Variants in B4GAT1 observed in about 807,000 individuals in gnomAD.
The protein encoded by B4GAT1 is beta-1,4-glucuronyltransferase 1.
A neutral mutation model predicts 35.0 loss-of-function variants in B4GAT1; 18 were observed. The observed-to-expected ratio is 0.51, with a 90% CI of 0.36 to 0.76. The LOEUF (loss-of-function observed/expected upper bound fraction) is 0.76, where lower values mean the gene tolerates loss of function less well. B4GAT1 is among the 30% of genes least tolerant of loss of function. B4GAT1 has a pLI of 0.01. For synonymous variants in B4GAT1, 217 were observed against 251.6 expected (o/e 0.86, Z 1.30); for missense variants, 458 against 555.0 (o/e 0.83, Z 1.76).
Position 66,347,111 on chromosome 11 carries a change from G to A in B4GAT1, c.435C>T (p.His145=), listed in dbSNP as rs1226244655. Residue 145 remains histidine, a synonymous_variant, in exon 1 of 2, where the codon CAC becomes CAT. Transcript: ENST00000311181. The surrounding 1 kb of genome is among the most constrained non-coding windows in gnomAD (Gnocchi z 6.3). ...CGACCCTGGCGCGCATGTCGGGGCA[G>A]TGGCTGCTCAGCGCGTAGGCCAGCA... is the stretch of plus-strand genomic sequence containing the variant. ...ATVLAYALSS[H]CPDMRARVAM... 1.3e-6 allele frequency: 2 copies of A among 1,586,160 alleles called. No homozygotes were observed. The highest frequency in any genetic ancestry group is 2.3e-5 in the South Asian group (2 of 87,834).
Position 66,346,466 on chromosome 11 carries a change from C to T in B4GAT1, c.1056+24G>A. 1 of 1,583,122 alleles carries T rather than the reference C, an allele frequency of 6.3e-7. No homozygotes were observed. Among genetic ancestry groups the T allele is most frequent in the Non-Finnish European group, 8.6e-7 (1 of 1,161,214 alleles). On this transcript the variant is annotated intron_variant, in intron 1 of 1. Transcript: ENST00000311181. The surrounding 1 kb of genome is among the most constrained non-coding windows in gnomAD (Gnocchi z 6.1). ...CCCACCACCCCTCCTGCCCCATTAC[C>T]CCTGCCCTCTCCCTTATGAGCACCT... is the stretch of plus-strand genomic sequence containing the variant.
chr11:66,346,649 G>C lies in B4GAT1; in HGVS notation c.897C>G (p.Thr299=), dbSNP rs1356572423. ...YGLCTPCQAP[T]NYSRWVNLPE... is the part of the protein sequence containing the mutation. ...GCAGGTTGACCCAGCGGGAATAGTT[G>C]GTGGGTGCCTGGCAGGGGGTGCACA... is the stretch of plus-strand genomic sequence containing the variant. The change falls in exon 1 of 2, where the codon ACC becomes ACG. Residue 299 remains threonine, a synonymous_variant. Coordinates refer to ENST00000311181, the MANE Select transcript of B4GAT1 (RefSeq NM_006876.3). This position sits in a 1 kb window ranked among gnomAD's most constrained non-coding sequence, Gnocchi z 6.1. 1.2e-6 allele frequency: 2 copies of C among 1,613,738 alleles called. No homozygotes were observed. The highest frequency in any genetic ancestry group is 2.2e-5 in the East Asian group (1 of 44,892).
At position 66,346,344 on chromosome 11, in the gene B4GAT1, C is replaced by A; in HGVS notation, c.1057-104G>T. ...GCGTCCTCACCCCTCTGGAAGTATC[C>A]TGGATCTTCCACACCATCCACCCAC... On this transcript the variant is annotated intron_variant, in intron 1 of 1. Transcript: ENST00000311181. The surrounding 1 kb of genome is among the most constrained non-coding windows in gnomAD (Gnocchi z 6.1). 6.5e-7 allele frequency: 1 copy of A among 1,543,358 alleles called. No homozygotes were observed. Among genetic ancestry groups the A allele is most frequent in the Admixed American group, 1.9e-5 (1 of 53,600 alleles).
At position 66,346,555 on chromosome 11, in the gene B4GAT1, C is replaced by T. The variant is rs764341255; in HGVS notation, c.991G>A (p.Ala331Thr). ...WQDPWEPFYV[A>T]GGKVPTFDER... ...TCGAAGGTGGGCACCTTGCCTCCTG[C>T]CACGTAGAATGGCTCCCAGGGGTCC... Residue 331 changes from alanine (A) to threonine (T), a missense_variant, in exon 1 of 2, where the codon GCA becomes ACA. Ala to Thr is a moderately conservative substitution (Grantham distance 58). Transcript: ENST00000311181. The surrounding 1 kb of genome is among the most constrained non-coding windows in gnomAD (Gnocchi z 6.1). The T allele has an allele frequency of 1.2e-6, 2 of 1,613,628 alleles. No individual in the cohort carries two copies. The highest frequency in any genetic ancestry group is 1.7e-6 in the Non-Finnish European group (2 of 1,179,740).
chr11:66,346,987 C>T lies in B4GAT1; in HGVS notation c.559G>A (p.Asp187Asn). The change falls in exon 1 of 2, where the codon GAC becomes AAC. Residue 187 changes from aspartate to asparagine, a missense_variant. Transcript: ENST00000311181. The surrounding 1 kb of genome is among the most constrained non-coding windows in gnomAD (Gnocchi z 6.1). ...GGCTGGGCCACCCTGGCTAGCTTGT[C>T]AAAGACCTCCTGGCAGGACCGCAGC... ...ALLRSCQEVF[D>N]KLARVAQPGI... is the part of the protein sequence containing the mutation. 1 of 1,608,018 alleles carries T rather than the reference C, an allele frequency of 6.2e-7. No homozygotes were observed. Among genetic ancestry groups the T allele is most frequent in the Non-Finnish European group, 8.5e-7 (1 of 1,178,818 alleles).
At position 66,346,405 on chromosome 11, in the gene B4GAT1, C is replaced by A; in HGVS notation, c.1056+85G>T. 1 of 1,541,000 alleles carries A rather than the reference C, an allele frequency of 6.5e-7. No individual in the cohort carries two copies. The highest frequency in any genetic ancestry group is 1.9e-5 in the Admixed American group (1 of 52,880). ...ATGATCCCTCCTGCTTCATTGCCTC[C>A]TTTCCATCCAGGGCCACTCCTCATA... On this transcript the variant is annotated intron_variant, in intron 1 of 1. Coordinates refer to ENST00000311181, the MANE Select transcript of B4GAT1 (RefSeq NM_006876.3). This position sits in a 1 kb window ranked among gnomAD's most constrained non-coding sequence, Gnocchi z 6.1.
Position 66,346,857 on chromosome 11 carries a change from A to G in B4GAT1, c.689T>C (p.Met230Thr). 1 of 1,613,796 alleles carries G rather than the reference A, an allele frequency of 6.2e-7. No homozygotes were observed. The highest frequency in any genetic ancestry group is 8.5e-7 in the Non-Finnish European group (1 of 1,179,984). Residue 230 changes from methionine (M) to threonine (T), a missense_variant, in exon 1 of 2, where the codon ATG (methionine) becomes ACG (threonine). Coordinates refer to ENST00000311181, the MANE Select transcript of B4GAT1 (RefSeq NM_006876.3). The surrounding 1 kb of genome is among the most constrained non-coding windows in gnomAD (Gnocchi z 6.1). ...ANYALVIDVD[M>T]VPSEGLWRGL... ...TCTCCACAGCCCCTCGCTGGGCACC[A>G]TGTCCACATCGATCACCAGGGCATA... is the stretch of plus-strand genomic sequence containing the variant.
chr11:66,346,860 T>C lies in B4GAT1; in HGVS notation c.686A>G (p.Asp229Gly). 6.2e-7 allele frequency: 1 copy of C among 1,613,884 alleles called. No individual in the cohort carries two copies. The highest frequency in any genetic ancestry group is 1.1e-5 in the South Asian group (1 of 91,080). Reference protein sequence around the residue: ...GANYALVIDVDMVPSEGLWRG... With the variant: ...GANYALVIDVGMVPSEGLWRG... ...CCACAGCCCCTCGCTGGGCACCATG[T>C]CCACATCGATCACCAGGGCATAGTT... Residue 229 changes from aspartate (D) to glycine (G), a missense_variant, in exon 1 of 2, where the codon GAC (aspartate) becomes GGC (glycine). Asp to Gly is a moderately conservative substitution (Grantham distance 94). Transcript: ENST00000311181. The surrounding 1 kb of genome is among the most constrained non-coding windows in gnomAD (Gnocchi z 6.1).
Position 66,346,383 on chromosome 11 carries a change from A to G in B4GAT1, c.1056+107T>C, listed in dbSNP as rs1855213334. On this transcript the variant is annotated intron_variant, in intron 1 of 1. Transcript: ENST00000311181. The surrounding 1 kb of genome is among the most constrained non-coding windows in gnomAD (Gnocchi z 6.1). The stretch of plus-strand genomic sequence containing the variant: ...CCATCCACCCACCTCCTGAACTATG[A>G]TCCCTCCTGCTTCATTGCCTCCTTT... 1 of 1,538,244 alleles carries G rather than the reference A, an allele frequency of 6.5e-7. No individual in the cohort carries two copies. Among genetic ancestry groups the G allele is most frequent in the Non-Finnish European group, 8.7e-7 (1 of 1,143,232 alleles).
In B4GAT1 at chr11:66,346,976, G is replaced by A; in HGVS notation, c.570C>T (p.Ala190=). ...AATTAATCCCGGGCTGGGCCACCCT[G>A]GCTAGCTTGTCAAAGACCTCCTGGC... The part of the protein sequence containing the change: ...RSCQEVFDKL[A]RVAQPGINYA... The change falls in exon 1 of 2, where the codon GCC becomes GCT. Residue 190 remains alanine, a synonymous_variant. Coordinates refer to ENST00000311181, the MANE Select transcript of B4GAT1 (RefSeq NM_006876.3). The surrounding 1 kb of genome is among the most constrained non-coding windows in gnomAD (Gnocchi z 6.1). 1 of 1,610,070 alleles carries A rather than the reference G, an allele frequency of 6.2e-7. No homozygotes were observed. Among genetic ancestry groups the A allele is most frequent in the East Asian group, 2.2e-5 (1 of 44,876 alleles).
In B4GAT1 at chr11:66,346,451, C is replaced by T. The variant is rs200882529; in HGVS notation, c.1056+39G>A. The T allele has an allele frequency of 1.3e-6, 2 of 1,569,196 alleles. No homozygotes were observed. Among genetic ancestry groups the T allele is most frequent in the Non-Finnish European group, 1.7e-6 (2 of 1,154,158 alleles). On this transcript the variant is annotated intron_variant, in intron 1 of 1. Coordinates refer to ENST00000311181, the MANE Select transcript of B4GAT1 (RefSeq NM_006876.3). This position sits in a 1 kb window ranked among gnomAD's most constrained non-coding sequence, Gnocchi z 6.1. ...TCATAACTCCCTGATCCCACCACCC[C>T]TCCTGCCCCATTACCCCTGCCCTCT... is the stretch of plus-strand genomic sequence containing the variant.
rs1323084305 is a variant in B4GAT1 at position 66,347,225 on chromosome 11, C to T, written c.321G>A (p.Leu107=). ...LATHASVDNL[L]HLSGLLERWE... ...AGCGCTCCAGCAGACCCGACAGGTG[C>T]AGCAGGTTGTCCACGCTGGCGTGCG... is the stretch of plus-strand genomic sequence containing the variant. The change falls in exon 1 of 2, where the codon CTG becomes CTA. Residue 107 remains leucine, a synonymous_variant. Transcript: ENST00000311181. The surrounding 1 kb of genome is among the most constrained non-coding windows in gnomAD (Gnocchi z 6.3). 6.4e-7 allele frequency: 1 copy of T among 1,572,678 alleles called. No individual in the cohort carries two copies. Among genetic ancestry groups the T allele is most frequent in the Non-Finnish European group, 8.6e-7 (1 of 1,159,638 alleles).
rs1210711920 is a variant in B4GAT1, at chr11:66,347,405, C to T, written c.141G>A (p.Glu47=). Residue 47 remains glutamate (E), a synonymous_variant, in exon 1 of 2, where the codon GAG becomes GAA. Transcript: ENST00000311181. The surrounding 1 kb of genome is among the most constrained non-coding windows in gnomAD (Gnocchi z 6.3). ...HGQEEQDQYF[E]FFPPSPRSVD... is the part of the protein sequence containing the mutation. ...CGGACCGTGGGGACGGGGGAAAGAA[C>T]TCAAAATATTGGTCTTGCTCCTCCT... 30 of 1,584,780 alleles carry T rather than the reference C, an allele frequency of 1.9e-5. No homozygotes were observed. The highest frequency in any genetic ancestry group is 2.5e-5 in the Non-Finnish European group (29 of 1,165,856).
chr11:66,346,154 C>G lies in B4GAT1; in HGVS notation c.1143G>C (p.Lys381Asn), dbSNP rs1293300273. Residue 381 changes from lysine to asparagine, a missense_variant, in exon 2 of 2, where the codon AAG (lysine) becomes AAC (asparagine). Transcript: ENST00000311181. The surrounding 1 kb of genome is among the most constrained non-coding windows in gnomAD (Gnocchi z 6.1). ...LVHKGFKEAL[K>N]FHPQKEAENQ... is the part of the protein sequence containing the mutation. Reference sequence around the variant, plus strand: ...TTTCAGCCTCCTTTTGGGGATGGAACTTCAACGCTTCTTTGAAGCCCTTAT... The same window carrying G: ...TTTCAGCCTCCTTTTGGGGATGGAAGTTCAACGCTTCTTTGAAGCCCTTAT... The G allele has an allele frequency of 5.0e-6, 8 of 1,614,170 alleles. No individual in the cohort carries two copies. The highest frequency in any genetic ancestry group is 5.1e-6 in the Non-Finnish European group (6 of 1,180,036).
chr11:66,346,596 T>A lies in B4GAT1; in HGVS notation c.950A>T (p.Tyr317Phe). ...LPEESLLRPA[Y>F]VVPWQDPWEP... ...CCAGGGGTCCTGCCAAGGTACCACG[T>A]AGGCGGGCCGCAGCAAGCTCTCTTC... The change falls in exon 1 of 2, where the codon TAC becomes TTC. Residue 317 changes from tyrosine (Y) to phenylalanine (F), a missense_variant. Tyr to Phe is a conservative substitution (Grantham distance 22). Transcript: ENST00000311181. The surrounding 1 kb of genome is among the most constrained non-coding windows in gnomAD (Gnocchi z 6.1). 6.2e-7 allele frequency: 1 copy of A among 1,613,886 alleles called. No homozygotes were observed. The highest frequency in any genetic ancestry group is 8.5e-7 in the Non-Finnish European group (1 of 1,180,024).
At position 66,347,436 on chromosome 11, in the gene B4GAT1, T is replaced by G. The variant is rs776394171; in HGVS notation, c.110A>C (p.His37Pro). Residue 37 changes from histidine (H) to proline (P), a missense_variant, in exon 1 of 2, where the codon CAC (histidine) becomes CCC (proline). Transcript: ENST00000311181. The surrounding 1 kb of genome is among the most constrained non-coding windows in gnomAD (Gnocchi z 6.3). ...LLYLSLLSGL[H>P]GQEEQDQYFE... ...ATATTGGTCTTGCTCCTCCTGCCCGTGCAGTCCGGACAGCAGCGACAGGTA... is the reference window on the plus strand; with the variant it reads ...ATATTGGTCTTGCTCCTCCTGCCCGGGCAGTCCGGACAGCAGCGACAGGTA... 1 of 1,570,602 alleles carries G rather than the reference T, an allele frequency of 6.4e-7. No individual in the cohort carries two copies. The highest frequency in any genetic ancestry group is 1.2e-5 in the South Asian group (1 of 84,074).
chr11:66,347,615 G>A lies in B4GAT1; in HGVS notation c.-70C>T, dbSNP rs1291590421. On this transcript the variant is annotated 5_prime_UTR_variant, in exon 1 of 2. Coordinates refer to ENST00000311181, the MANE Select transcript of B4GAT1 (RefSeq NM_006876.3). This position sits in a 1 kb window ranked among gnomAD's most constrained non-coding sequence, Gnocchi z 6.3. ...GACTACGCCAGCGGCCGCAAGCCCG[G>A]ATTTACCGCAGCCTGCCGAGCGCAG... is the stretch of plus-strand genomic sequence containing the variant. The A allele has an allele frequency of 1.6e-6, 2 of 1,230,810 alleles. No homozygotes were observed. Among genetic ancestry groups the A allele is most frequent in the Non-Finnish European group, 2.0e-6 (2 of 987,404 alleles). 76.2% of individuals were successfully genotyped at this position (1,230,810 alleles called of 1,614,324 possible).
Position 66,346,803 on chromosome 11 carries a change from T to G in B4GAT1, c.743A>C (p.Asn248Thr). ...RGLREMLDQS[N>T]QWGGTALVVP... ...CACCAGCGCGGTGCCTCCCCACTGGTTGCTCTGATCCAGCATTTCCCGCAG... is the reference window on the plus strand; with the variant it reads ...CACCAGCGCGGTGCCTCCCCACTGGGTGCTCTGATCCAGCATTTCCCGCAG... The change falls in exon 1 of 2, where the codon AAC (asparagine) becomes ACC (threonine). Residue 248 changes from asparagine to threonine, a missense_variant. By Grantham distance (65) the Asn-to-Thr change is moderately conservative. Transcript: ENST00000311181. The surrounding 1 kb of genome is among the most constrained non-coding windows in gnomAD (Gnocchi z 6.1). 1 of 1,613,836 alleles carries G rather than the reference T, an allele frequency of 6.2e-7. No homozygotes were observed. The highest frequency in any genetic ancestry group is 1.1e-5 in the South Asian group (1 of 91,076).
Position 66,346,744 on chromosome 11 carries a change from T to C in B4GAT1, c.802A>G (p.Met268Val), listed in dbSNP as rs1855221816. 2 of 1,613,838 alleles carry C rather than the reference T, an allele frequency of 1.2e-6. No homozygotes were observed. The highest frequency in any genetic ancestry group is 1.7e-6 in the Non-Finnish European group (2 of 1,180,016). Residue 268 changes from methionine (M) to valine (V), a missense_variant, in exon 1 of 2, where the codon ATG (methionine) becomes GTG (valine). Met to Val is a conservative substitution (Grantham distance 21). Coordinates refer to ENST00000311181, the MANE Select transcript of B4GAT1 (RefSeq NM_006876.3). This position sits in a 1 kb window ranked among gnomAD's most constrained non-coding sequence, Gnocchi z 6.1. ...ACCAGCTCGTTTTTGTTCATGGGCA[T>C]GCGGCGGGCTCTTCGGATTTCGAAG... is the stretch of plus-strand genomic sequence containing the variant. ...PAFEIRRARR[M>V]PMNKNELVQL... is the part of the protein sequence containing the mutation.
Sources: gnomAD v4.1 joint callset for allele counts on GRCh38, gnomAD v4.1.1 for gene constraint, Gnocchi (gnomAD v3.1) non-coding constraint, MANE v1.5 for transcripts, NCBI Gene and HGNC (gene_info 2026-07-23, HGNC 2026-07-21) for gene names.